The following DLEU7 variants were observed in gnomAD, a reference collection of about 807,000 sequenced individuals.
The protein encoded by DLEU7 is leukemia-associated protein 7.
In DLEU7, 17 loss-of-function variants were observed where a neutral mutation model predicts 16.0. The ratio of observed to expected loss-of-function variants is 1.06; its 90% CI spans 0.73 to 1.59. The LOEUF is 1.59. Among genes scored for constraint, DLEU7 ranks in the 40% most tolerant of loss-of-function variants. The pLI is 0.00. For synonymous variants in DLEU7, 113 were observed against 139.8 expected, an observed-to-expected ratio of 0.81 and a Z score of 1.35; for missense variants, 308 against 314.9, an observed-to-expected ratio of 0.98 and a Z score of 0.17.
intron 1 of DLEU7, among the ~76,000 whole-genome samples, chr13:50,777,417 A>C (rs188478313): frequency 6.6e-5 from 10 of 152,134 alleles, no homozygotes; most frequent in African/African-American, 2.4e-4. Context: ...CCCAACCTAC[A>C]TCTTTTTCCT....
intron 1 of DLEU7, among the ~76,000 whole-genome samples, chr13:50,777,877 ATATC>A (rs1291147062): frequency 6.6e-6 from 1 of 152,176 alleles, no homozygotes; most frequent in Non-Finnish European, 1.5e-5. Context: ...GTATTAAGAA[ATATC>A]TAACTTTATA....
intron 1 of DLEU7, among the ~76,000 whole-genome samples, chr13:50,722,053 G>A (rs1329612232): frequency 6.6e-6 from 1 of 152,190 alleles, no homozygotes; most frequent in Non-Finnish European, 1.5e-5. Flanking sequence ...GTAGAGAAGA[G>A]CATGGGGTTG....
At chr13:50,827,760 A>G (rs111680979) in intron 1 of DLEU7, among the ~76,000 whole-genome samples, 2,695 of 152,298 alleles carry the variant, frequency 0.018, 37 homozygotes, top group East Asian at 0.037. Flanking sequence ...ATACAAACAT[A>G]AGGCAAGGTA....
At chr13:50,732,414 G>T (rs1219490404) in intron 1 of DLEU7, among the ~76,000 whole-genome samples, 2 of 151,958 alleles carry the variant, frequency 1.3e-5, no homozygotes, top group Non-Finnish European at 1.5e-5. Context: ...CTCGAGACCA[G>T]CCTGGCCAAC....
intron 1 of DLEU7, among the ~76,000 whole-genome samples, chr13:50,810,068 A>C (rs1374939355): frequency 6.6e-6 from 1 of 151,396 alleles, no homozygotes; most frequent in African/African-American, 2.4e-5. Context: ...TCATATTTTA[A>C]GAGGACATTA....
At chr13:50,792,742 C>T (rs182064861) in intron 1 of DLEU7, among the ~76,000 whole-genome samples, 1 of 132,312 alleles carries the variant, frequency 7.6e-6, no homozygotes, top group East Asian at 2.8e-4. Context: ...TCAAATATCA[C>T]CTCCTCAGAA....
intron 1 of DLEU7, among the ~76,000 whole-genome samples, chr13:50,772,135 C>A (rs1275789449): frequency 6.6e-6 from 1 of 152,076 alleles, no homozygotes; most frequent in Non-Finnish European, 1.5e-5. Context: ...TTCCTCCATC[C>A]CTTTATTTTG....
chr13:50,742,664 T>C lies in DLEU7; in HGVS notation c.460-29424A>G, dbSNP rs1335201367. On this transcript the variant is annotated intron_variant, in intron 1 of 1. Transcript: ENST00000400393. ...TACTGATGAGGTGGATGGGCGATCA[T>C]CTGGGTCATTGTTCTGGTAGCAGGG... 2.0e-5 allele frequency among the ~76,000 whole-genome samples: 3 copies of C among 152,192 alleles called. No homozygotes were observed. In the South Asian group the frequency reaches 6.2e-4, roughly 31 times the overall value.
At chr13:50,787,575 C>T (rs1382488390) in intron 1 of DLEU7, among the ~76,000 whole-genome samples, 1 of 152,086 alleles carries the variant, frequency 6.6e-6, no homozygotes, top group African/African-American at 2.4e-5. Context: ...TCTTTGCTGA[C>T]ACCTCTTGCC....
chr13:50,723,719 G>A (rs1222652394), intron 1 of DLEU7, among the ~76,000 whole-genome samples: 1 of 151,856 alleles, frequency 6.6e-6, no homozygotes, highest in African/African-American at 2.4e-5. Flanking sequence ...CCTCGTCTAA[G>A]CCTATTTATC....
At chr13:50,765,494 G>A (rs1224957090) in intron 1 of DLEU7, among the ~76,000 whole-genome samples, 1 of 152,118 alleles carries the variant, frequency 6.6e-6, no homozygotes, top group Non-Finnish European at 1.5e-5. Context: ...GAGGCTGGAA[G>A]AATTTGTTTT....
intron 1 of DLEU7, among the ~76,000 whole-genome samples, chr13:50,758,576 G>A (rs941230978): frequency 2.0e-5 from 3 of 152,210 alleles, no homozygotes; most frequent in Non-Finnish European, 4.4e-5. Flanking sequence ...CTGTGGGGCT[G>A]TGGTCTCCAC....
intron 1 of DLEU7, among the ~76,000 whole-genome samples, chr13:50,842,313 C>T (rs1024971271): frequency 7.9e-5 from 12 of 152,210 alleles, no homozygotes; most frequent in South Asian, 2.1e-4. Context: ...CCCTCCCCAA[C>T]TCCTTCTGCT....
rs1274853470 is a variant in DLEU7 at position 50,726,411 on chromosome 13, C to T, written c.460-13171G>A. ...CAGCCTGCAACAGCCACCTGACTTT[C>T]CCGCCTCCTCCTTTCACGGAACACA... On this transcript the variant is annotated intron_variant, in intron 1 of 1. Coordinates refer to the DLEU7 transcript ENST00000400393. This position sits in a 1 kb window ranked among gnomAD's most constrained non-coding sequence, Gnocchi z 4.0. Among the ~76,000 whole-genome samples the T allele has an allele frequency of 6.6e-6, 1 of 152,048 alleles. No homozygotes were observed. The highest frequency in any genetic ancestry group is 1.5e-5 in the Non-Finnish European group (1 of 68,014).
intron 1 of DLEU7, among the ~76,000 whole-genome samples, chr13:50,756,614 G>A (rs645695): frequency 0.47 from 72,017 of 151,908 alleles, 18,124 homozygotes; most frequent in African/African-American, 0.63. Context: ...GCCGAGCAGG[G>A]CTTGAGAACT....
At chr13:50,733,025 C>T (rs181629474) in intron 1 of DLEU7, among the ~76,000 whole-genome samples, 254 of 152,304 alleles carry the variant, frequency 1.7e-3, no homozygotes, top group African/African-American at 5.6e-3. Context: ...CAAACGCACA[C>T]GCATGTATGC....
chr13:50,834,628 G>C (rs12184561), intron 1 of DLEU7, among the ~76,000 whole-genome samples: 8,155 of 152,204 alleles, frequency 0.054, 714 homozygotes, highest in African/African-American at 0.18. Flanking sequence ...GTGGAAGACA[G>C]TGTGGTGATT....
Position 50,843,279 on chromosome 13 carries a change from C to T in DLEU7, c.368G>A (p.Arg123His), listed in dbSNP as rs375420712. 3.2e-6 allele frequency: 5 copies of T among 1,575,674 alleles called. No homozygotes were observed. The highest frequency in any genetic ancestry group is 2.8e-5 in the African/African-American group (2 of 72,150). Residue 123 changes from arginine (R) to histidine (H), a missense_variant, in exon 1 of 2, where the codon CGC (arginine) becomes CAC (histidine). Arg to His is a conservative substitution (Grantham distance 29). Transcript: ENST00000504404. This position sits in a 1 kb window ranked among gnomAD's most constrained non-coding sequence, Gnocchi z 5.7. ...AQMAMRSALA[R>H]VVDSTSELVS... ...CAGCTCCGAAGTCGAGTCCACCACG[C>T]GGGCCAGCGCGCTGCGCATCGCCAT...
chr13:50,801,475 T>A (rs1385125273), intron 1 of DLEU7, among the ~76,000 whole-genome samples: 1 of 152,108 alleles, frequency 6.6e-6, no homozygotes, highest in Non-Finnish European at 1.5e-5. Context: ...TGTGGCAACA[T>A]AATGCATCCA....
Sources: allele counts gnomAD v4.1 joint callset (sites outside exome capture counted in the v4.1 genomes callset), GRCh38; gene constraint gnomAD v4.1.1; non-coding constraint Gnocchi (gnomAD v3.1); transcripts MANE v1.5; gene names NCBI Gene and HGNC (gene_info 2026-07-23, HGNC 2026-07-21).